TSHZ2: variants seen among roughly 807,000 people sequenced by gnomAD.
The protein encoded by TSHZ2 is teashirt zinc finger homeobox 2, also known as teashirt homolog 2.
In TSHZ2, 21 loss-of-function variants were observed where a neutral mutation model predicts 74.4. The ratio of observed to expected loss-of-function variants is 0.28; its 90% confidence interval spans 0.20 to 0.41. TSHZ2 has a LOEUF of 0.41. TSHZ2 is among the 10% of genes least tolerant of loss of function. TSHZ2 has a pLI of 1.00. For missense variants in TSHZ2, 1,244 were observed against 1,293.5 expected (o/e 0.96, Z 0.59); for synonymous variants, 540 against 515.3 (o/e 1.05, Z -0.65).
At chr20:53,152,555 CT>C (rs1252976717) in intron 1 of TSHZ2, among the ~76,000 whole-genome samples, 1 of 152,176 alleles carries the variant, frequency 6.6e-6, no homozygotes, top group Non-Finnish European at 1.5e-5. Context: ...CCAATCAGAT[CT>C]TTTGAGAGAA....
At chr20:53,235,473 A>G (rs2123681428) in intron 1 of TSHZ2, among the ~76,000 whole-genome samples, 1 of 152,236 alleles carries the variant, frequency 6.6e-6, no homozygotes, top group South Asian at 2.1e-4. Flanking sequence ...CCTGGCCAGG[A>G]CTTGAGTTCA....
At chr20:53,327,836 G>A (rs1979559389) in intron 2 of TSHZ2, among the ~76,000 whole-genome samples, 1 of 152,198 alleles carries the variant, frequency 6.6e-6, no homozygotes, top group African/African-American at 2.4e-5. Context: ...AGTGTAAAGA[G>A]GATGACAAGG....
At chr20:53,341,125 T>C (rs992956270) in intron 2 of TSHZ2, among the ~76,000 whole-genome samples, 1 of 152,190 alleles carries the variant, frequency 6.6e-6, no homozygotes, top group African/African-American at 2.4e-5. Flanking sequence ...TGGCACATAG[T>C]AGATGCTCAA....
At chr20:53,075,627 A>G (rs549363162) in intron 1 of TSHZ2, among the ~76,000 whole-genome samples, 1 of 152,354 alleles carries the variant, frequency 6.6e-6, no homozygotes, top group Admixed American at 6.5e-5. Context: ...AGAAGGCAGC[A>G]GGACAGGTGA....
chr20:53,016,019 G>T (rs2123016826), intron 1 of TSHZ2, among the ~76,000 whole-genome samples: 1 of 152,282 alleles, frequency 6.6e-6, no homozygotes, highest in Non-Finnish European at 1.5e-5. Context: ...GGGCATCATT[G>T]TCTCGGCTCA....
intron 2 of TSHZ2, among the ~76,000 whole-genome samples, chr20:53,341,749 T>A (rs1875455342): frequency 6.6e-6 from 1 of 152,108 alleles, no homozygotes. Flanking sequence ...GCTGCTCTGT[T>A]GCCCAGGCTG....
chr20:53,346,328 A>G (rs1288348574), intron 2 of TSHZ2, among the ~76,000 whole-genome samples: 1 of 152,208 alleles, frequency 6.6e-6, no homozygotes, highest in Non-Finnish European at 1.5e-5. Context: ...TTGATTTATC[A>G]GCATTGCAGA....
chr20:53,256,890 A>G lies in TSHZ2; in HGVS notation c.*8+319A>G, dbSNP rs574691549. 6.6e-6 allele frequency among the ~76,000 whole-genome samples: 1 copy of G among 152,308 alleles called. No homozygotes were observed. Among genetic ancestry groups the G allele is most frequent in the East Asian group, 1.9e-4 (1 of 5,188 alleles). On this transcript the variant is annotated intron_variant, in intron 2 of 2. Transcript: ENST00000371497. The surrounding 1 kb of genome is among the most constrained non-coding windows in gnomAD (Gnocchi z 4.3). ...CAAGCTCCAGTGTCCAGCCAAGGCT[A>G]TCTTTCATTTTAATTATTAGATACT...
chr20:53,075,718 A>G (rs576594856), intron 1 of TSHZ2, among the ~76,000 whole-genome samples: 5 of 152,214 alleles, frequency 3.3e-5, no homozygotes, highest in Admixed American at 1.3e-4. Flanking sequence ...CCAGGCTGCT[A>G]GGAGACTGAG....
intron 2 of TSHZ2, among the ~76,000 whole-genome samples, chr20:53,468,606 C>T (rs368966470): frequency 8.1e-4 from 115 of 141,592 alleles, no homozygotes; most frequent in African/African-American, 2.6e-3. Context: ...GGGGACTTGC[C>T]GTAAAAATTA....
chr20:53,065,587 T>C (rs2123179325), intron 1 of TSHZ2, among the ~76,000 whole-genome samples: 1 of 152,206 alleles, frequency 6.6e-6, no homozygotes, highest in African/African-American at 2.4e-5. Flanking sequence ...CCCAGGCAGA[T>C]CGTAAATGGT....
intron 2 of TSHZ2, among the ~76,000 whole-genome samples, chr20:53,282,917 T>C (rs888786290): frequency 2.0e-5 from 3 of 152,208 alleles, no homozygotes; most frequent in Non-Finnish European, 1.5e-5. Context: ...GCAGTCCTCT[T>C]ATCCTGTTCC....
At position 53,256,156 on chromosome 20, in the gene TSHZ2, C is replaced by A. The variant is rs1453442156; in HGVS notation, c.2698C>A (p.Leu900Met). The A allele has an allele frequency of 6.2e-7, 1 of 1,613,206 alleles. No homozygotes were observed. The highest frequency in any genetic ancestry group is 8.5e-7 in the Non-Finnish European group (1 of 1,179,344). Residue 900 changes from leucine to methionine, a missense_variant, in exon 2 of 3, where the codon CTG becomes ATG. Transcript: ENST00000371497. This position sits in a 1 kb window ranked among gnomAD's most constrained non-coding sequence, Gnocchi z 4.3. ...CTCAATGACCACTATCAGTCACTGG[C>A]TGGCCAACGTCAAGTACCAGCTTAG... is the stretch of plus-strand genomic sequence containing the variant. The part of the protein sequence containing the change: ...GLSMTTISHW[L>M]ANVKYQLRKT...
intron 1 of TSHZ2, among the ~76,000 whole-genome samples, chr20:53,049,482 T>C (rs1451366624): frequency 6.6e-6 from 1 of 152,162 alleles, no homozygotes; most frequent in Non-Finnish European, 1.5e-5. Flanking sequence ...CTGAGGCACA[T>C]CCCATCCCCA....
chr20:53,287,264 A>T (rs954738256), intron 2 of TSHZ2, among the ~76,000 whole-genome samples: 1 of 152,162 alleles, frequency 6.6e-6, no homozygotes, highest in African/African-American at 2.4e-5. Context: ...CTAATTGTTC[A>T]TTTGAATTGT....
chr20:53,287,260 G>A (rs1029058505), intron 2 of TSHZ2, among the ~76,000 whole-genome samples: 2 of 152,072 alleles, frequency 1.3e-5, no homozygotes, highest in African/African-American at 4.8e-5. Context: ...TTCTCTAATT[G>A]TTCATTTGAA....
chr20:53,445,314 G>C (rs1405359209), intron 2 of TSHZ2, among the ~76,000 whole-genome samples: 1 of 152,176 alleles, frequency 6.6e-6, no homozygotes, highest in Non-Finnish European at 1.5e-5. Context: ...CGATAGAAAA[G>C]TGCCTACAGT....
chr20:53,268,236 G>A lies in TSHZ2; in HGVS notation c.*8+11665G>A, dbSNP rs73272901. 3.4e-3 allele frequency among the ~76,000 whole-genome samples: 511 copies of A among 152,294 alleles called. 2 individuals carry two copies. Among genetic ancestry groups the A allele is most frequent in the African/African-American group, 0.012 (480 of 41,562 alleles). On this transcript the variant is annotated intron_variant, in intron 2 of 2. Transcript: ENST00000371497. The stretch of plus-strand genomic sequence containing the variant: ...ACATTATATGTTCCATGCAGAATAC[G>A]AAAGAAGTCTGTGCAAGATACAGAC...
intron 2 of TSHZ2, among the ~76,000 whole-genome samples, chr20:53,263,476 G>A (rs1340547628): frequency 6.6e-6 from 1 of 152,232 alleles, no homozygotes; most frequent in Admixed American, 6.5e-5. Flanking sequence ...AGGAGGCCTT[G>A]CACAGCACCA....
Sources: gnomAD v4.1 joint callset for allele counts (sites outside exome capture counted in the v4.1 genomes callset) on GRCh38, gnomAD v4.1.1 for gene constraint, Gnocchi (gnomAD v3.1) non-coding constraint, MANE v1.5 for transcripts, NCBI Gene and HGNC (gene_info 2026-07-23, HGNC 2026-07-21) for gene names.